Variants in RFX7 observed in about 807,000 individuals in gnomAD.
The protein encoded by RFX7 is regulatory factor X7, also known as DNA-binding protein RFX7.
A neutral mutation model predicts 111.8 loss-of-function variants in RFX7; 26 were observed. The observed-to-expected ratio is 0.23, with a 90% CI of 0.17 to 0.32. RFX7 has a LOEUF of 0.32. Among genes scored for constraint, RFX7 ranks in the 10% least tolerant of loss-of-function variants. The probability of loss-of-function intolerance (pLI) is 1.00; values close to 1 mark genes in which losing one functional copy is unlikely to be tolerated. For synonymous variants in RFX7, 624 were observed against 624.4 expected (o/e 1.00, Z 0.01); for missense variants, 1,573 against 1,772.9 (o/e 0.89, Z 2.02).
intron 8 of RFX7, 125 bp downstream of exon 8, chr15:56,101,234 A>C: frequency 1.4e-6 from 1 of 735,246 alleles, no homozygotes; most frequent in South Asian, 1.8e-5. Context: ...TGTTAAGCGG[A>C]GTAAGAGTGA....
Position 56,101,532 on chromosome 15 carries a change from T to C in RFX7, c.638A>G (p.Asn213Ser), listed in dbSNP as rs1489534308. The C allele has an allele frequency of 4.3e-6, 7 of 1,613,732 alleles. No homozygotes were observed. Among genetic ancestry groups the C allele is most frequent in the Non-Finnish European group, 5.9e-6 (7 of 1,179,760 alleles). Residue 213 changes from asparagine to serine, a missense_variant, in exon 8 of 10, where the codon AAT (asparagine) becomes AGT (serine). Around this residue, in one of 7 missense-constraint regions of RFX7, gnomAD observed 288 missense variants for 337.9 expected, o/e 0.85. Transcript: ENST00000559447. ...AGAAGAGATAACTTCTTCATCAATA[T>C]TTTGAAGCTGCCCAGAAGGTTCAGC... is the stretch of plus-strand genomic sequence containing the variant. ...EGAEPSGQLQ[N>S]IDEEVISSAC...
intron 3 of RFX7, among the ~76,000 whole-genome samples, chr15:56,147,871 C>G (rs1366240226): frequency 2.6e-5 from 4 of 152,168 alleles, no homozygotes; most frequent in Non-Finnish European, 1.5e-5. Flanking sequence ...CCATGCCCAG[C>G]CTAAAAACTC....
rs1329606295 is a variant in RFX7 at position 56,092,899 on chromosome 15, CCT to C, written c.*444_*445del. On this transcript the variant is annotated 3_prime_UTR_variant, in exon 10 of 10. Coordinates refer to ENST00000559447, the MANE Select transcript of RFX7 (RefSeq NM_022841.7). ...TATTTATAATAACCTGAATATTATC[CCT>C]GTTTCAAGGAAGACTTTCTTGTCTA... 3.2e-5 allele frequency: 5 copies of C among 155,798 alleles called. No homozygotes were observed. The highest frequency in any genetic ancestry group is 4.8e-5 in the African/African-American group (2 of 41,416). 9.7% of individuals were successfully genotyped at this position (155,798 alleles called of 1,614,324 possible).
intron 3 of RFX7, among the ~76,000 whole-genome samples, chr15:56,176,736 T>A (rs2042907133): frequency 6.6e-6 from 1 of 152,026 alleles, no homozygotes; most frequent in Admixed American, 6.6e-5. Context: ...CCCCTCCACA[T>A]TGAATCTATC....
In RFX7 at chr15:56,243,784, C is replaced by T. The variant is rs1191385090; in HGVS notation, c.-342G>A. 3.4e-5 allele frequency among the ~76,000 whole-genome samples: 5 copies of T among 147,986 alleles called. No individual in the cohort carries two copies. The highest frequency in any genetic ancestry group is 7.5e-5 in the Non-Finnish European group (5 of 66,748). ...CCAGGCACCGCTCCACGCCACTCCCCACGCCGCCGCCGCCGCCGCCGCTCG... is the reference window on the plus strand; with the variant it reads ...CCAGGCACCGCTCCACGCCACTCCCTACGCCGCCGCCGCCGCCGCCGCTCG... On this transcript the variant is annotated 5_prime_UTR_variant, in exon 1 of 10. Coordinates refer to ENST00000559447, the MANE Select transcript of RFX7 (RefSeq NM_022841.7).
At position 56,096,134 on chromosome 15, in the gene RFX7, T is replaced by A. The variant is rs751010770; in HGVS notation, c.1594A>T (p.Thr532Ser). 7.4e-6 allele frequency: 12 copies of A among 1,613,720 alleles called. No homozygotes were observed. The East Asian group carries it at 2.2e-4, about 30-fold the overall frequency. ...TCCACTTTGACTTCCACAGCAGATG[T>A]TCCCCCCGCACTGCTGCTCCTGGAC... ...PGSRSSSAGG[T>S]SAVEVKVEPE... The change falls in exon 10 of 10, where the codon ACA (threonine) becomes TCA (serine). Residue 532 changes from threonine (T) to serine (S), a missense_variant. Physicochemically the swap from Thr to Ser is moderately conservative, Grantham distance 58 (BLOSUM62 1). Around this residue, in one of 7 missense-constraint regions of RFX7, gnomAD observed 625 missense variants for 632.2 expected, o/e 0.99. Coordinates refer to ENST00000559447, the MANE Select transcript of RFX7 (RefSeq NM_022841.7).
intron 2 of RFX7, among the ~76,000 whole-genome samples, chr15:56,238,712 T>C (rs2043651647): frequency 6.6e-6 from 1 of 152,224 alleles, no homozygotes; most frequent in African/African-American, 2.4e-5. Context: ...ATTGGAATAT[T>C]TTCTAAAATA....
At position 56,089,222 on chromosome 15, in the gene RFX7, G is replaced by T. The variant is rs757409134; in HGVS notation, c.*4123C>A. 2.6e-5 allele frequency: 4 copies of T among 152,420 alleles called. No homozygotes were observed. The highest frequency in any genetic ancestry group is 5.9e-5 in the Non-Finnish European group (4 of 68,038). 9.4% of individuals were successfully genotyped at this position (152,420 alleles called of 1,614,324 possible). On this transcript the variant is annotated 3_prime_UTR_variant, in exon 10 of 10. Transcript: ENST00000559447. ...TGGAGTGCTTAATGGAAGATTCTGA[G>T]ATTTTTTTTTCTCTCTGATAAAAGG...
chr15:56,244,470 C>G (rs1394719189), upstream of RFX7, among the ~76,000 whole-genome samples: 1 of 152,142 alleles, frequency 6.6e-6, no homozygotes, highest in Non-Finnish European at 1.5e-5. Context: ...CCTCCATCCC[C>G]CTGCAAGAAC....
intron 2 of RFX7, among the ~76,000 whole-genome samples, chr15:56,239,932 A>G (rs2141245724): frequency 6.6e-6 from 1 of 152,040 alleles, no homozygotes; most frequent in East Asian, 1.9e-4. Flanking sequence ...ATTTTCACTA[A>G]ACTACGAAGA....
chr15:56,211,099 G>C (rs1348573491), intron 2 of RFX7, among the ~76,000 whole-genome samples: 1 of 151,974 alleles, frequency 6.6e-6, no homozygotes, highest in African/African-American at 2.4e-5. Flanking sequence ...AATGTGAAAA[G>C]GGCTATAGCT....
chr15:56,172,072 A>G (rs1197816587), intron 3 of RFX7, among the ~76,000 whole-genome samples: 3 of 152,114 alleles, frequency 2.0e-5, no homozygotes, highest in African/African-American at 7.2e-5. Context: ...AGAATGTACC[A>G]AACTGGGGGG....
At chr15:56,172,997 A>G (rs2042862134) in intron 3 of RFX7, among the ~76,000 whole-genome samples, 1 of 152,208 alleles carries the variant, frequency 6.6e-6, no homozygotes, top group Non-Finnish European at 1.5e-5. Context: ...TTAGACCTGA[A>G]AAAGAAAAAA....
At chr15:56,213,586 T>G (rs1034855409) in intron 2 of RFX7, among the ~76,000 whole-genome samples, 1 of 152,196 alleles carries the variant, frequency 6.6e-6, no homozygotes, top group Admixed American at 6.5e-5. Flanking sequence ...ATATTTGCAG[T>G]GACAAAAACG....
At chr15:56,177,748 T>A (rs1459651161) in intron 3 of RFX7, among the ~76,000 whole-genome samples, 4 of 152,158 alleles carry the variant, frequency 2.6e-5, no homozygotes, top group African/African-American at 9.7e-5. Context: ...TCTGTCTTGC[T>A]TACCACTGTA....
chr15:56,161,467 A>G (rs2042719376), intron 3 of RFX7, among the ~76,000 whole-genome samples: 1 of 152,106 alleles, frequency 6.6e-6, no homozygotes. Flanking sequence ...ATTATATTAC[A>G]TTATAAAAGA....
rs1399346898 is a variant in RFX7, at chr15:56,087,833, CT to C, written c.*5511del. On this transcript the variant is annotated 3_prime_UTR_variant, in exon 10 of 10. Transcript: ENST00000559447. ...TGACATATTTTAGGCACTTTATCATCTGTTAAAAAAAAAGTCCCATTTTTAT... is the reference window on the plus strand; with the variant it reads ...TGACATATTTTAGGCACTTTATCATCGTTAAAAAAAAAGTCCCATTTTTAT... The C allele has an allele frequency of 2.8e-5, 8 of 290,330 alleles. No homozygotes were observed. Among genetic ancestry groups the C allele is most frequent in the Admixed American group, 1.4e-4 (3 of 21,432 alleles). The allele number at this position is 290,330 out of a possible 1,614,324, so 18.0% of individuals were successfully genotyped here. A position where few individuals can be genotyped will look rare whatever the true frequency, so the allele number is the denominator to read the frequency against.
At chr15:56,209,414 G>A (rs1301924141) in intron 2 of RFX7, among the ~76,000 whole-genome samples, 3 of 151,958 alleles carry the variant, frequency 2.0e-5, no homozygotes, top group Non-Finnish European at 4.4e-5. Flanking sequence ...TGCCTTGCAA[G>A]AACTGTAAAA....
intron 5 of RFX7, among the ~76,000 whole-genome samples, chr15:56,134,644 GT>G (rs2042269599): frequency 1.4e-5 from 1 of 73,108 alleles, no homozygotes; most frequent in East Asian, 3.4e-4. Flanking sequence ...TATACTTTAA[GT>G]TTTAGGGTAC....
Sources: gnomAD v4.1 joint callset for allele counts (sites outside exome capture counted in the v4.1 genomes callset) on GRCh38, gnomAD v4.1.1 for gene constraint, gnomAD v4.1.1 regional missense constraint, MANE v1.5 for transcripts, NCBI Gene and HGNC (gene_info 2026-07-23, HGNC 2026-07-21) for gene names.